The following SBF2 variants were observed in gnomAD, a reference collection of about 807,000 sequenced individuals.
The protein encoded by SBF2 is SET binding factor 2.
In SBF2, 112 loss-of-function variants were observed where a neutral mutation model predicts 225.2. That is an observed-to-expected ratio of 0.50 (90% CI 0.43 to 0.58). SBF2 has a LOEUF of 0.58. SBF2 is among the 20% of genes least tolerant of loss of function. The probability of loss-of-function intolerance (pLI) is 0.00; values close to 1 mark genes in which losing one functional copy is unlikely to be tolerated. For synonymous variants in SBF2, 763 were observed against 773.3 expected (o/e 0.99, Z 0.22); for missense variants, 1,996 against 2,206.2 (o/e 0.90, Z 1.91).
chr11:10,128,482 G>A (rs1953867870), intron 2 of SBF2, among the ~76,000 whole-genome samples: 1 of 152,184 alleles, frequency 6.6e-6, no homozygotes, highest in African/African-American at 2.4e-5. Flanking sequence ...AGTAAAAGCA[G>A]AGATTATATT....
intron 17 of SBF2, among the ~76,000 whole-genome samples, chr11:9,882,132 A>G (rs1590318210): frequency 6.6e-6 from 1 of 152,370 alleles, no homozygotes; most frequent in South Asian, 2.1e-4. Flanking sequence ...ACAATTCCAG[A>G]CCAATACAAA....
intron 32 of SBF2, among the ~76,000 whole-genome samples, chr11:9,807,340 C>T (rs567511280): frequency 6.6e-6 from 1 of 152,342 alleles, no homozygotes; most frequent in South Asian, 2.1e-4. Context: ...CCTACCCTCA[C>T]TGCATTTGAA....
intron 16 of SBF2, among the ~76,000 whole-genome samples, chr11:9,938,451 G>C (rs1186887361): frequency 6.7e-6 from 1 of 150,048 alleles, no homozygotes; most frequent in Non-Finnish European, 1.5e-5. Context: ...TCAATGCCCA[G>C]GAATGGCTTA....
chr11:10,098,475 T>TA (rs1555023189), intron 2 of SBF2, among the ~76,000 whole-genome samples: 4,308 of 135,702 alleles, frequency 0.032, 54 homozygotes, highest in African/African-American at 0.046. Context: ...CAAGGAAAAT[T>TA]AAAAAAAAAA....
At chr11:10,242,112 T>C (rs1959262931) in intron 1 of SBF2, among the ~76,000 whole-genome samples, 1 of 151,826 alleles carries the variant, frequency 6.6e-6, no homozygotes, top group South Asian at 2.1e-4. Context: ...GGCAGTGGTA[T>C]GTCCAAGGAC....
rs555562865 is a variant in SBF2, at chr11:10,004,930, T to C, written c.620-2241A>G. Among the ~76,000 whole-genome samples the C allele has an allele frequency of 1.7e-4, 26 of 152,316 alleles. 1 individual carries two copies. The highest frequency in any genetic ancestry group is 4.3e-4 in the African/African-American group (18 of 41,576). ...CCAGACCCAACCAATGTACATCTTA[T>C]GCATATTGACTGATGTCTCACTGTT... On this transcript the variant is annotated intron_variant, in intron 6 of 39. Transcript: ENST00000256190.
At chr11:10,117,101 C>G (rs1032195756) in intron 2 of SBF2, among the ~76,000 whole-genome samples, 5 of 152,142 alleles carry the variant, frequency 3.3e-5, no homozygotes, top group Non-Finnish European at 5.9e-5. Flanking sequence ...GGTTAGTGAT[C>G]TTTTACTTTC....
At chr11:10,237,138 GGAGTTT>G (rs371494636) in intron 1 of SBF2, among the ~76,000 whole-genome samples, 2,829 of 152,232 alleles carry the variant, frequency 0.019, 51 homozygotes, top group Middle Eastern at 0.065. Flanking sequence ...CCTGAGGCCA[GGAGTTT>G]GAGACCAGCC....
At chr11:9,884,195 G>A (rs1443201832) in intron 17 of SBF2, among the ~76,000 whole-genome samples, 1 of 152,148 alleles carries the variant, frequency 6.6e-6, no homozygotes, top group Non-Finnish European at 1.5e-5. Context: ...CCCATATTGA[G>A]CAATAACAGA....
Position 9,816,825 on chromosome 11 carries a change from A to C in SBF2, c.3978+15T>G. ...GTATCCATAAAGTTTCTAAGTGAGA[A>C]AAAAGAAATCTTACCCTTAGTTGCG... On this transcript the variant is annotated intron_variant, in intron 29 of 39. Transcript: ENST00000256190. The C allele has an allele frequency of 6.2e-7, 1 of 1,613,452 alleles. No individual in the cohort carries two copies. Among genetic ancestry groups the C allele is most frequent in the Non-Finnish European group, 8.5e-7 (1 of 1,179,464 alleles).
chr11:10,252,085 A>G (rs895779950), intron 1 of SBF2, among the ~76,000 whole-genome samples: 2 of 152,234 alleles, frequency 1.3e-5, no homozygotes, highest in Non-Finnish European at 2.9e-5. Context: ...CCTAGAACAG[A>G]CCAGGTTCTG....
At chr11:10,272,721 T>C (rs1321573350) in intron 1 of SBF2, among the ~76,000 whole-genome samples, 2 of 151,664 alleles carry the variant, frequency 1.3e-5, no homozygotes, top group Non-Finnish European at 2.9e-5. Flanking sequence ...GCTGTGATGA[T>C]ACCACTGCAC....
chr11:9,980,255 C>T lies in SBF2; in HGVS notation c.1395+9242G>A, dbSNP rs546471490. ...CTCAGCCTCCCAAATGCTGGGATTA[C>T]AGGCATGAGCCACCATACCCAGCCT... On this transcript the variant is annotated intron_variant, in intron 13 of 39. Coordinates refer to ENST00000256190, the MANE Select transcript of SBF2 (RefSeq NM_030962.4). 8.5e-4 allele frequency among the ~76,000 whole-genome samples: 117 copies of T among 137,474 alleles called. 3 individuals carry two copies. In the South Asian group the frequency reaches 0.026, roughly 30 times the overall value. 90.2% of individuals were successfully genotyped at this position (137,474 alleles called of 152,430 possible). A position where few individuals can be genotyped will look rare whatever the true frequency, so the allele number is the denominator to read the frequency against.
chr11:10,174,441 C>G (rs1388828049), intron 2 of SBF2, among the ~76,000 whole-genome samples: 1 of 151,938 alleles, frequency 6.6e-6, no homozygotes, highest in African/African-American at 2.4e-5. Context: ...TGAAATGAAG[C>G]AAGAAGGGAA....
chr11:10,095,096 T>A (rs1316786893), intron 2 of SBF2, among the ~76,000 whole-genome samples: 1 of 152,062 alleles, frequency 6.6e-6, no homozygotes, highest in African/African-American at 2.4e-5. Flanking sequence ...AGCTAAATTT[T>A]TTTTTTTGTA....
At chr11:10,011,049 G>A (rs544061134) in intron 6 of SBF2, among the ~76,000 whole-genome samples, 121 of 152,244 alleles carry the variant, frequency 7.9e-4, no homozygotes, top group Non-Finnish European at 1.4e-3. Flanking sequence ...TATTAGTGGT[G>A]TATAGGAATG....
At chr11:9,809,576 G>A (rs1282570146) in intron 30 of SBF2, among the ~76,000 whole-genome samples, 1 of 139,672 alleles carries the variant, frequency 7.2e-6, no homozygotes, top group East Asian at 2.1e-4. Context: ...ACAAAGTCTC[G>A]CTCTGTCACC....
chr11:10,031,181 A>C lies in SBF2; in HGVS notation c.280-11T>G, dbSNP rs1949241888. The C allele has an allele frequency of 6.2e-7, 1 of 1,612,892 alleles. No individual in the cohort carries two copies. Among genetic ancestry groups the C allele is most frequent in the Non-Finnish European group, 8.5e-7 (1 of 1,179,338 alleles). On this transcript the variant is annotated splice_polypyrimidine_tract_variant and intron_variant, in intron 3 of 39. Coordinates refer to ENST00000256190, the MANE Select transcript of SBF2 (RefSeq NM_030962.4). ...TTCCTTCTTTGTTCCCTAGAAAAAG[A>C]GACACTGAAATCAACAAACAGAAGG...
chr11:10,282,866 A>G (rs1455638902), intron 1 of SBF2, among the ~76,000 whole-genome samples: 1 of 152,160 alleles, frequency 6.6e-6, no homozygotes, highest in East Asian at 1.9e-4. Context: ...TAAATTCTAT[A>G]GCCTGATATA....
Sources: gnomAD v4.1 joint callset for allele counts (sites outside exome capture counted in the v4.1 genomes callset) on GRCh38, gnomAD v4.1.1 for gene constraint, MANE v1.5 for transcripts, NCBI Gene and HGNC (gene_info 2026-07-23, HGNC 2026-07-21) for gene names.